The following SPTLC3 variants were observed in gnomAD, a reference collection of about 807,000 sequenced individuals.
SPTLC3 encodes the protein serine palmitoyltransferase 3.
A neutral mutation model predicts 59.3 loss-of-function variants in SPTLC3; 36 were observed. The ratio of observed to expected loss-of-function variants is 0.61; its 90% CI spans 0.47 to 0.80. The LOEUF is 0.80. Ranked by LOEUF, SPTLC3 falls within the 30% of genes least tolerant of loss-of-function variation. The pLI, the probability that SPTLC3 is intolerant of heterozygous loss-of-function variation, is 0.00. For missense variants in SPTLC3, 625 were observed against 685.1 expected, an observed-to-expected ratio of 0.91 and a Z score of 0.98; for synonymous variants, 257 against 240.8, an observed-to-expected ratio of 1.07 and a Z score of -0.62.
chr20:13,075,123 G>A (rs1034966906), intron 4 of SPTLC3, among the ~76,000 whole-genome samples: 2 of 136,112 alleles, frequency 1.5e-5, no homozygotes, highest in Non-Finnish European at 3.2e-5. Flanking sequence ...GAGGGAGAGC[G>A]TTCATTTATT....
chr20:13,125,038 C>T (rs557160009), intron 8 of SPTLC3, among the ~76,000 whole-genome samples: 3 of 152,186 alleles, frequency 2.0e-5, no homozygotes, highest in South Asian at 2.1e-4. Flanking sequence ...AATGCAGAGG[C>T]CTGTCATCAG....
chr20:13,116,780 G>A (rs1990579318), intron 7 of SPTLC3, among the ~76,000 whole-genome samples: 1 of 152,170 alleles, frequency 6.6e-6, no homozygotes, highest in South Asian at 2.1e-4. Flanking sequence ...AGCATCTCCT[G>A]GGAGCTTGGC....
chr20:13,047,393 A>G lies in SPTLC3; in HGVS notation c.118-1552A>G, dbSNP rs189744792. ...CATAAATCATTCTAAATACATCTAA[A>G]TACATATATATGTATAAGCTAAATT... On this transcript the variant is annotated intron_variant, in intron 1 of 11. Coordinates refer to ENST00000399002, the MANE Select transcript of SPTLC3 (RefSeq NM_018327.4). Among the ~76,000 whole-genome samples, 63 of 152,300 alleles carry G rather than the reference A, an allele frequency of 4.1e-4. 2 individuals carry two copies. Among genetic ancestry groups the G allele is most frequent in the South Asian group, 3.3e-3 (16 of 4,830 alleles).
At chr20:13,114,026 G>A (rs1254447391) in intron 7 of SPTLC3, among the ~76,000 whole-genome samples, 4 of 152,198 alleles carry the variant, frequency 2.6e-5, no homozygotes, top group Non-Finnish European at 2.9e-5. Context: ...ACAGATAACC[G>A]AGATGAGGCA....
intron 9 of SPTLC3, among the ~76,000 whole-genome samples, chr20:13,141,171 T>C (rs1175704267): frequency 6.6e-6 from 1 of 152,354 alleles, no homozygotes; most frequent in Non-Finnish European, 1.5e-5. Context: ...CTACTGTTTA[T>C]TTTTGACATG....
At chr20:13,119,557 A>T (rs1488961225) in intron 8 of SPTLC3, among the ~76,000 whole-genome samples, 3 of 152,178 alleles carry the variant, frequency 2.0e-5, no homozygotes, top group Non-Finnish European at 2.9e-5. Context: ...TCATTTTCTT[A>T]TCTCTTAAAA....
intron 6 of SPTLC3, among the ~76,000 whole-genome samples, chr20:13,103,605 G>A (rs1363207694): frequency 6.6e-6 from 1 of 152,134 alleles, no homozygotes; most frequent in African/African-American, 2.4e-5. Flanking sequence ...GTTTTTGTGG[G>A]GTCATGGATG....
chr20:13,101,487 C>T (rs547150084), intron 6 of SPTLC3, among the ~76,000 whole-genome samples: 10 of 152,250 alleles, frequency 6.6e-5, no homozygotes, highest in East Asian at 3.9e-4. Context: ...CATTCTTGCT[C>T]GCTGAGTATT....
intron 9 of SPTLC3, among the ~76,000 whole-genome samples, chr20:13,150,799 A>T (rs933781455): frequency 6.6e-5 from 10 of 152,158 alleles, no homozygotes; most frequent in African/African-American, 2.4e-4. Flanking sequence ...GTTCTTCCAC[A>T]AATCACAAGA....
chr20:13,159,868 A>G, intron 10 of SPTLC3, 135 bp from the exon 11 acceptor site: 4 of 1,225,578 alleles, frequency 3.3e-6, no homozygotes, highest in Non-Finnish European at 3.3e-6. Flanking sequence ...AACTTCAATC[A>G]TCTTCCACTT....
intron 2 of SPTLC3, among the ~76,000 whole-genome samples, chr20:13,054,365 A>G (rs1262337927): frequency 6.6e-6 from 1 of 152,192 alleles, no homozygotes; most frequent in Middle Eastern, 3.2e-3. Context: ...CAGAAAGATA[A>G]TTCTGTCTAC....
At chr20:13,073,716 G>T in intron 3 of SPTLC3, 1 of 460,228 alleles carries the variant, frequency 2.2e-6, no homozygotes, top group South Asian at 2.0e-5. Flanking sequence ...CTTCAGTTCT[G>T]AGTTGACGCC....
chr20:13,053,978 C>G (rs1268170919), intron 2 of SPTLC3, among the ~76,000 whole-genome samples: 1 of 152,040 alleles, frequency 6.6e-6, no homozygotes, highest in Non-Finnish European at 1.5e-5. Context: ...AGGATATTAT[C>G]CAGGAGAAAA....
intron 6 of SPTLC3, among the ~76,000 whole-genome samples, chr20:13,097,282 C>T (rs187848311): frequency 6.6e-6 from 1 of 152,160 alleles, no homozygotes; most frequent in East Asian, 1.9e-4. Context: ...AGCAGCAGGA[C>T]TTTCAGCATG....
intron 9 of SPTLC3, among the ~76,000 whole-genome samples, chr20:13,142,362 A>T (rs1463685854): frequency 5.9e-5 from 9 of 152,158 alleles, no homozygotes; most frequent in Admixed American, 5.9e-4. Flanking sequence ...TGGTGATGTA[A>T]TACATATGGA....
At chr20:13,063,741 T>C (rs1041125926) in intron 2 of SPTLC3, among the ~76,000 whole-genome samples, 1 of 150,782 alleles carries the variant, frequency 6.6e-6, no homozygotes, top group African/African-American at 2.4e-5. Flanking sequence ...GCAAACCTTC[T>C]CCCCATGGGT....
At chr20:13,148,738 C>T (rs1243685572) in intron 9 of SPTLC3, among the ~76,000 whole-genome samples, 1 of 152,204 alleles carries the variant, frequency 6.6e-6, no homozygotes, top group African/African-American at 2.4e-5. Context: ...AAAACCAAAA[C>T]TTATGCCAGG....
chr20:13,067,243 C>T (rs189023743), intron 2 of SPTLC3, among the ~76,000 whole-genome samples: 97 of 151,968 alleles, frequency 6.4e-4, no homozygotes, highest in African/African-American at 2.2e-3. Context: ...TCCTGTTGCC[C>T]ACCACAAAGC....
At chr20:13,077,550 T>A (rs1988690447) in intron 4 of SPTLC3, among the ~76,000 whole-genome samples, 1 of 151,946 alleles carries the variant, frequency 6.6e-6, no homozygotes, top group South Asian at 2.1e-4. Flanking sequence ...ATCCTGTGAA[T>A]AAAGCTAAAA....
Sources: gnomAD v4.1 joint callset for allele counts (sites outside exome capture counted in the v4.1 genomes callset) on GRCh38, gnomAD v4.1.1 for gene constraint, MANE v1.5 for transcripts, NCBI Gene and HGNC (gene_info 2026-07-23, HGNC 2026-07-21) for gene names.